The following DENND4A variants were observed in gnomAD, a reference collection of about 807,000 sequenced individuals.
The protein encoded by DENND4A is DENN domain containing 4A.
In DENND4A, 70 loss-of-function variants were observed where a neutral mutation model predicts 199.3. The observed-to-expected ratio is 0.35, with a 90% CI of 0.29 to 0.43. DENND4A has a LOEUF of 0.43. Ranked by LOEUF, DENND4A falls within the 20% of genes least tolerant of loss-of-function variation. The probability of loss-of-function intolerance (pLI) is 1.00; values close to 1 mark genes in which losing one functional copy is unlikely to be tolerated. For missense variants in DENND4A, 1,723 were observed against 2,255.8 expected (o/e 0.76, Z 4.78); for synonymous variants, 686 against 766.9 (o/e 0.89, Z 1.74).
chr15:65,757,696 A>G (rs1437534904), intron 2 of DENND4A, among the ~76,000 whole-genome samples: 3 of 152,098 alleles, frequency 2.0e-5, no homozygotes, highest in Admixed American at 2.0e-4. Context: ...AAGCGCTCTC[A>G]GGTTGGCCGA....
chr15:65,667,474 GAAGA>G lies in DENND4A; in HGVS notation c.5212_5215del (p.Ser1738LeufsTer23). On this transcript the variant is annotated frameshift_variant, in exon 29 of 33. Transcript: ENST00000443035. LOFTEE classifies it high-confidence loss of function. ...CTTTGAATACTTGTTACAGTGCTCA[GAAGA>G]AAGAATCAATCCAGGTAAGTTACTG... The G allele has an allele frequency of 6.2e-7, 1 of 1,613,986 alleles. No homozygotes were observed. The highest frequency in any genetic ancestry group is 8.5e-7 in the Non-Finnish European group (1 of 1,179,878).
intron 11 of DENND4A, among the ~76,000 whole-genome samples, chr15:65,726,439 T>G (rs1230482133): frequency 6.6e-6 from 1 of 152,234 alleles, no homozygotes; most frequent in East Asian, 1.9e-4. Context: ...TAAACAGTTC[T>G]GGTAAAGAAT....
intron 23 of DENND4A, among the ~76,000 whole-genome samples, chr15:65,688,187 C>T (rs1253747507): frequency 1.3e-5 from 2 of 152,152 alleles, no homozygotes; most frequent in Non-Finnish European, 2.9e-5. Context: ...GATCAGTTTA[C>T]ATTGGATTAT....
At chr15:65,777,955 A>T (rs1387171620) in intron 1 of DENND4A, among the ~76,000 whole-genome samples, 1 of 151,614 alleles carries the variant, frequency 6.6e-6, no homozygotes, top group Admixed American at 6.6e-5. Context: ...AATCGCTTGA[A>T]CCCGGAGGCA....
intron 3 of DENND4A, among the ~76,000 whole-genome samples, chr15:65,753,652 C>G (rs1452601006): frequency 6.6e-6 from 1 of 152,058 alleles, no homozygotes; most frequent in African/African-American, 2.4e-5. Context: ...AGCCACTGTG[C>G]CTAGCTACAA....
At chr15:65,712,762 A>T (rs2142335270) in intron 14 of DENND4A, among the ~76,000 whole-genome samples, 1 of 152,268 alleles carries the variant, frequency 6.6e-6, no homozygotes, top group Admixed American at 6.5e-5. Flanking sequence ...TCACAGTCAC[A>T]TAAATTTGAA....
intron 14 of DENND4A, 91 bp from the exon 15 acceptor site, chr15:65,706,315 C>T: frequency 8.3e-7 from 1 of 1,206,072 alleles, no homozygotes; most frequent in Non-Finnish European, 1.1e-6. Context: ...ACCATCTGCA[C>T]AATGGATACT....
intron 9 of DENND4A, 68 bp downstream of exon 9, chr15:65,731,574 G>T: frequency 8.2e-7 from 1 of 1,219,448 alleles, no homozygotes; most frequent in Non-Finnish European, 1.2e-6. Context: ...TTTTAGCTAG[G>T]AAAAATAAAA....
chr15:65,685,370 C>A (rs2076738204), intron 23 of DENND4A, among the ~76,000 whole-genome samples: 1 of 152,216 alleles, frequency 6.6e-6, no homozygotes, highest in Non-Finnish European at 1.5e-5. Flanking sequence ...TCGTGATTCG[C>A]CTGCCTTGGC....
chr15:65,715,538 T>A lies in DENND4A; in HGVS notation c.1893A>T (p.Glu631Asp), dbSNP rs762975076. The change falls in exon 14 of 33, where the codon GAA becomes GAT. Residue 631 changes from glutamate (E) to aspartate (D), a missense_variant. Glu to Asp is a conservative substitution (Grantham distance 45). Around this residue, in one of 6 missense-constraint regions of DENND4A, gnomAD observed 725 missense variants for 952.9 expected, o/e 0.76. Coordinates refer to ENST00000443035, the MANE Select transcript of DENND4A (RefSeq NM_001320835.1). ...CATCTTTGTCACTAACAAAAGAACA[T>A]TCTTCAATGAAGCGAATAAACATTT... ...KTQMFIRFIE[E>D]CSFVSDKDAS... is the part of the protein sequence containing the mutation. 6.2e-7 allele frequency: 1 copy of A among 1,611,572 alleles called. No homozygotes were observed. Among genetic ancestry groups the A allele is most frequent in the Admixed American group, 1.7e-5 (1 of 59,566 alleles).
chr15:65,672,337 T>C (rs2076242090), intron 24 of DENND4A, among the ~76,000 whole-genome samples: 1 of 152,180 alleles, frequency 6.6e-6, no homozygotes, highest in African/African-American at 2.4e-5. Context: ...TTTTAAGAAC[T>C]AGAATAGCTG....
chr15:65,729,116 T>G lies in DENND4A; in HGVS notation c.1443A>C (p.Pro481=). ...CTACATCAACACAACTGACATCTGG[T>G]GGAGGATCATAGAGATCAAAGTATC... The part of the protein sequence containing the change: ...DSRYFDLYDP[P]PDVSCVDVDT... Residue 481 remains proline (P), a synonymous_variant, in exon 11 of 33, where the codon CCA becomes CCC. Transcript: ENST00000443035. 1 of 1,593,366 alleles carries G rather than the reference T, an allele frequency of 6.3e-7. No individual in the cohort carries two copies. Among genetic ancestry groups the G allele is most frequent in the South Asian group, 1.1e-5 (1 of 87,432 alleles).
intron 9 of DENND4A, chr15:65,731,382 C>T (rs1396858406): frequency 7.9e-6 from 4 of 508,628 alleles, no homozygotes; most frequent in Non-Finnish European, 1.5e-5. Flanking sequence ...CATCTACATA[C>T]ATAAATACAC....
rs1355426636 is a variant in DENND4A at position 65,750,077 on chromosome 15, A to C, written c.561+2302T>G. 5.3e-5 allele frequency among the ~76,000 whole-genome samples: 8 copies of C among 152,138 alleles called. No homozygotes were observed. The East Asian group carries it at 1.5e-3, about 29-fold the overall frequency. ...AAAATAATTAAGTAGAAAGTTAAAT[A>C]AACTGATAACGATAGAAAAAAGGCT... On this transcript the variant is annotated intron_variant, in intron 4 of 32. Transcript: ENST00000443035.
chr15:65,748,812 C>T (rs2140563047), intron 4 of DENND4A, among the ~76,000 whole-genome samples: 1 of 151,112 alleles, frequency 6.6e-6, no homozygotes, highest in South Asian at 2.1e-4. Flanking sequence ...GTAGGGAAAC[C>T]TCAATTCTAC....
At chr15:65,675,543 A>T (rs912045156) in intron 24 of DENND4A, among the ~76,000 whole-genome samples, 2 of 152,038 alleles carry the variant, frequency 1.3e-5, no homozygotes, top group African/African-American at 2.4e-5. Context: ...TCCCCAATAT[A>T]AAAAAAGCTA....
At chr15:65,756,094 A>C (rs774545449) in intron 3 of DENND4A, 46 bp downstream of exon 3, 3 of 1,458,056 alleles carry the variant, frequency 2.1e-6, no homozygotes, top group Non-Finnish European at 2.8e-6. Flanking sequence ...TCTACAAGGC[A>C]TATTATTTGG....
intron 13 of DENND4A, among the ~76,000 whole-genome samples, chr15:65,716,215 T>TA (rs2075393350): frequency 6.6e-6 from 1 of 152,000 alleles, no homozygotes; most frequent in Admixed American, 6.6e-5. Flanking sequence ...TTTGTCTGGC[T>TA]AATTTCTTTC....
intron 14 of DENND4A, among the ~76,000 whole-genome samples, chr15:65,708,497 T>G (rs1357584618): frequency 6.6e-6 from 1 of 152,166 alleles, no homozygotes; most frequent in Non-Finnish European, 1.5e-5. Context: ...AATAGCTTGG[T>G]AAAAGATACT....
Sources: gnomAD v4.1 joint callset for allele counts (sites outside exome capture counted in the v4.1 genomes callset) on GRCh38, gnomAD v4.1.1 for gene constraint, gnomAD v4.1.1 regional missense constraint, MANE v1.5 for transcripts, NCBI Gene and HGNC (gene_info 2026-07-23, HGNC 2026-07-21) for gene names.